Variants in MITF observed in about 807,000 individuals in gnomAD.
The protein encoded by MITF is melanocyte inducing transcription factor.
In MITF, 17 loss-of-function variants were observed where a neutral mutation model predicts 60.5. That is an observed-to-expected ratio of 0.28 (90% CI 0.19 to 0.42). MITF has a LOEUF of 0.42. Ranked by LOEUF, MITF falls within the 10% of genes least tolerant of loss-of-function variation. The pLI, the probability that MITF is intolerant of heterozygous loss-of-function variation, is 1.00. For synonymous variants in MITF, 260 were observed against 248.5 expected, an observed-to-expected ratio of 1.05 and a Z score of -0.43; for missense variants, 622 against 683.5, an observed-to-expected ratio of 0.91 and a Z score of 1.00.
chr3:69,833,075 C>T lies in MITF; in HGVS notation c.105-46059C>T, dbSNP rs1199134725. On this transcript the variant is annotated intron_variant, in intron 1 of 9. Transcript: ENST00000352241. ...TATGTGATTGTTTTTCTATTTATGC[C>T]GTATGTGGTTGTTTCCCTGTTTATA... Among the ~76,000 whole-genome samples the T allele has an allele frequency of 5.5e-5, 8 of 146,232 alleles. No individual in the cohort carries two copies. In the East Asian group the frequency reaches 6.2e-4, roughly 11 times the overall value.
chr3:69,900,643 T>C (rs895875701), intron 2 of MITF, among the ~76,000 whole-genome samples: 1 of 152,166 alleles, frequency 6.6e-6, no homozygotes, highest in African/African-American at 2.4e-5. Context: ...GCCCTTTTTT[T>C]GTTAAGGAGA....
At chr3:69,948,384 G>C (rs757154424) in intron 5 of MITF, among the ~76,000 whole-genome samples, 36 of 151,966 alleles carry the variant, frequency 2.4e-4, no homozygotes, top group Non-Finnish European at 4.6e-4. Flanking sequence ...CTTGGGGAAG[G>C]CTAAATATTT....
At chr3:69,851,864 G>A (rs1287499859) in intron 1 of MITF, among the ~76,000 whole-genome samples, 3 of 152,096 alleles carry the variant, frequency 2.0e-5, no homozygotes, top group South Asian at 2.1e-4. Flanking sequence ...ACAAAGAAAT[G>A]TTGCTTTGAA....
At chr3:69,956,860 T>G (rs2066411962) in intron 8 of MITF, among the ~76,000 whole-genome samples, 1 of 152,212 alleles carries the variant, frequency 6.6e-6, no homozygotes, top group African/African-American at 2.4e-5. Flanking sequence ...AACAGAACTT[T>G]CAATAGTTGT....
At chr3:69,864,177 T>C (rs1308986996) in intron 1 of MITF, among the ~76,000 whole-genome samples, 6 of 152,174 alleles carry the variant, frequency 3.9e-5, no homozygotes. Flanking sequence ...GTGAAAGAAC[T>C]GGGGCCCAGA....
intron 1 of MITF, among the ~76,000 whole-genome samples, chr3:69,843,637 C>A (rs1410975546): frequency 6.6e-6 from 1 of 152,144 alleles, no homozygotes; most frequent in Non-Finnish European, 1.5e-5. Flanking sequence ...TACTTCTACA[C>A]AACTTTGGGT....
At chr3:69,751,548 T>C (rs997878375) in intron 1 of MITF, among the ~76,000 whole-genome samples, 4 of 138,116 alleles carry the variant, frequency 2.9e-5, no homozygotes, top group African/African-American at 1.0e-4. Context: ...GACCCAAGCA[T>C]TTTGATTTTT....
intron 1 of MITF, chr3:69,866,296 G>T: frequency 6.2e-7 from 1 of 1,613,712 alleles, no homozygotes; most frequent in Non-Finnish European, 8.5e-7. Context: ...AAAAGATGGA[G>T]GCGCTTAGAG....
intron 2 of MITF, chr3:69,936,533 T>A (rs1403885196): frequency 1.1e-5 from 15 of 1,331,666 alleles, no homozygotes; most frequent in Non-Finnish European, 1.5e-5. Flanking sequence ...CGTTTTTTTT[T>A]ACATGCATAA....
chr3:69,892,214 T>C (rs1287208261), intron 2 of MITF, among the ~76,000 whole-genome samples: 1 of 152,220 alleles, frequency 6.6e-6, no homozygotes, highest in Non-Finnish European at 1.5e-5. Context: ...CAACTCGTAA[T>C]CAAATAGGGC....
intron 1 of MITF, among the ~76,000 whole-genome samples, chr3:69,819,870 C>A (rs947914146): frequency 2.0e-5 from 3 of 152,170 alleles, no homozygotes; most frequent in Admixed American, 1.3e-4. Context: ...GAGGCTAAGG[C>A]AGGGGAATCG....
At chr3:69,946,592 G>T (rs2066102452) in intron 5 of MITF, among the ~76,000 whole-genome samples, 1 of 151,960 alleles carries the variant, frequency 6.6e-6, no homozygotes, top group South Asian at 2.1e-4. Flanking sequence ...GCCCAAAGTA[G>T]GCACCCAAAA....
chr3:69,878,436 A>G lies in MITF; in HGVS notation c.105-698A>G, dbSNP rs114996638. 1.2e-3 allele frequency among the ~76,000 whole-genome samples: 188 copies of G among 152,278 alleles called. 1 individual carries two copies. The highest frequency in any genetic ancestry group is 2.4e-3 in the Non-Finnish European group (160 of 68,006). On this transcript the variant is annotated intron_variant, in intron 1 of 9. Transcript: ENST00000352241. ...GGGAATGCACAGAGAACACATTGTA[A>G]CATAGTAGAGGGCATGCCAAGGTGA...
intron 1 of MITF, among the ~76,000 whole-genome samples, chr3:69,751,553 ATTTTTTT>A (rs35447609): frequency 4.9e-5 from 6 of 122,838 alleles, no homozygotes; most frequent in African/African-American, 1.2e-4. Flanking sequence ...AAGCATTTTG[ATTTTTTT>A]TTTTTTTTTT....
At chr3:69,787,239 C>T (rs552262733) in intron 1 of MITF, among the ~76,000 whole-genome samples, 8 of 152,202 alleles carry the variant, frequency 5.3e-5, no homozygotes, top group Non-Finnish European at 1.2e-4. Flanking sequence ...CCATGTTCCA[C>T]TCCTGAATTC....
intron 1 of MITF, among the ~76,000 whole-genome samples, chr3:69,829,868 C>T (rs2063417853): frequency 6.6e-6 from 1 of 152,158 alleles, no homozygotes. Context: ...GCCAGTGATG[C>T]CTGAGGATGG....
intron 1 of MITF, among the ~76,000 whole-genome samples, chr3:69,845,452 T>A (rs1374691247): frequency 2.0e-5 from 3 of 150,110 alleles, no homozygotes; most frequent in African/African-American, 7.3e-5. Context: ...CTTTTTTTTT[T>A]TTTTGCTATT....
intron 1 of MITF, among the ~76,000 whole-genome samples, chr3:69,835,516 G>T (rs1434917705): frequency 6.6e-6 from 1 of 151,996 alleles, no homozygotes; most frequent in Non-Finnish European, 1.5e-5. Context: ...TTTGTTGCCT[G>T]TATTTTTGAG....
intron 8 of MITF, 40 bp downstream of exon 8, chr3:69,956,570 C>T (rs959674799): frequency 1.3e-5 from 20 of 1,514,208 alleles, no homozygotes; most frequent in Middle Eastern, 3.5e-4. Flanking sequence ...ATATATTTTT[C>T]GTACCTGAAT....
Sources: allele counts gnomAD v4.1 joint callset (sites outside exome capture counted in the v4.1 genomes callset), GRCh38; gene constraint gnomAD v4.1.1; transcripts MANE v1.5; gene names NCBI Gene and HGNC (gene_info 2026-07-23, HGNC 2026-07-21).